MICAL3: variants seen among roughly 807,000 people sequenced by gnomAD.
MICAL3 encodes the protein microtubule associated monooxygenase, calponin and LIM domain containing 3.
In MICAL3, 62 loss-of-function variants were observed where a neutral mutation model predicts 207.4. The ratio of observed to expected loss-of-function variants is 0.30; its 90% confidence interval spans 0.24 to 0.37. The LOEUF (loss-of-function observed/expected upper bound fraction) is 0.37, where lower values mean the gene tolerates loss of function less well. Among genes scored for constraint, MICAL3 ranks in the 10% least tolerant of loss-of-function variants. The probability of loss-of-function intolerance (pLI) is 1.00; values close to 1 mark genes in which losing one functional copy is unlikely to be tolerated. For missense variants in MICAL3, 2,368 were observed against 2,635.6 expected (o/e 0.90, Z 2.22); for synonymous variants, 1,077 against 1,069.3 (o/e 1.01, Z -0.14).
At chr22:17,835,460 GC>G (rs1161101029) in intron 20 of MICAL3, among the ~76,000 whole-genome samples, 1 of 152,200 alleles carries the variant, frequency 6.6e-6, no homozygotes, top group Non-Finnish European at 1.5e-5. Flanking sequence ...CTCTGGGTTG[GC>G]CCAGGTCCTG....
At chr22:17,849,644 A>ATGTGTGTGTGTGTG (rs149239378) in intron 19 of MICAL3, among the ~76,000 whole-genome samples, 1 of 79,446 alleles carries the variant, frequency 1.3e-5, no homozygotes, top group African/African-American at 5.1e-5. Flanking sequence ...CCAGAATGGA[A>ATGTGTGTGTGTGTG]TGTGTGTGTG....
At chr22:17,896,217 G>T in intron 9 of MICAL3, 29 bp downstream of exon 9, 2 of 1,375,752 alleles carry the variant, frequency 1.5e-6, no homozygotes, top group Non-Finnish European at 2.0e-6. Context: ...GTTTTCTCAT[G>T]AAAGGAACCC....
At chr22:17,817,224 G>T in intron 26 of MICAL3, 87 bp downstream of exon 26, 3 of 1,432,194 alleles carry the variant, frequency 2.1e-6, no homozygotes, top group Non-Finnish European at 2.8e-6. Flanking sequence ...GGGAGCGTGT[G>T]AGTGTGGATC....
At chr22:17,979,366 G>A (rs553327518) in intron 1 of MICAL3, among the ~76,000 whole-genome samples, 6 of 151,996 alleles carry the variant, frequency 3.9e-5, no homozygotes, top group South Asian at 4.2e-4. Context: ...CCAACGTGGC[G>A]AAACCCCGTC....
chr22:17,936,349 C>T (rs1003953032), intron 1 of MICAL3, among the ~76,000 whole-genome samples: 2 of 152,136 alleles, frequency 1.3e-5, no homozygotes, highest in Middle Eastern at 3.2e-3. Context: ...ACTGCACGTT[C>T]TCACTCATAG....
intron 16 of MICAL3, among the ~76,000 whole-genome samples, chr22:17,878,205 C>T (rs1423233693): frequency 6.6e-6 from 1 of 152,222 alleles, no homozygotes; most frequent in Non-Finnish European, 1.5e-5. Flanking sequence ...ATCAGCATCT[C>T]ATTAAATACA....
rs569212940 is a variant in MICAL3 at position 17,908,213 on chromosome 22, C to T, written c.-74-1327G>A. ...CCCACACAGCCAGACCCCAGCTGCA[C>T]GACCCCGCTGCACAACTCTGGGTAA... On this transcript the variant is annotated intron_variant, in intron 1 of 31. Coordinates refer to ENST00000441493, the MANE Select transcript of MICAL3 (RefSeq NM_015241.3). 8.5e-5 allele frequency among the ~76,000 whole-genome samples: 13 copies of T among 152,348 alleles called. No individual in the cohort carries two copies. The South Asian group carries it at 1.2e-3, about 15-fold the overall frequency.
intron 1 of MICAL3, among the ~76,000 whole-genome samples, chr22:18,013,835 A>C (rs530370414): frequency 2.0e-5 from 3 of 152,120 alleles, no homozygotes; most frequent in South Asian, 4.2e-4. Flanking sequence ...AGGTCTTGCT[A>C]TGTTGCCCAG....
intron 28 of MICAL3, 21 bp from the exon 29 acceptor site, chr22:17,808,958 T>C (rs1307606593): frequency 1.3e-6 from 2 of 1,540,442 alleles, no homozygotes; most frequent in South Asian, 2.4e-5. Flanking sequence ...CAGCACAGAC[T>C]GAGCACCCGG....
intron 1 of MICAL3, among the ~76,000 whole-genome samples, chr22:17,987,739 C>T (rs1333659642): frequency 6.6e-6 from 1 of 152,208 alleles, no homozygotes; most frequent in East Asian, 1.9e-4. Flanking sequence ...CCTTATTCTT[C>T]ATAAACCCAC....
intron 24 of MICAL3, 148 bp from the exon 25 acceptor site, chr22:17,821,657 T>C: frequency 1.4e-6 from 1 of 703,234 alleles, no homozygotes; most frequent in Non-Finnish European, 2.4e-6. Context: ...GCACAGGTTC[T>C]CTCAGAGGCC....
intron 29 of MICAL3, among the ~76,000 whole-genome samples, chr22:17,797,697 T>G (rs943953819): frequency 6.6e-6 from 1 of 152,204 alleles, no homozygotes; most frequent in Non-Finnish European, 1.5e-5. Flanking sequence ...AACAGCAATA[T>G]CATACATGAA....
chr22:17,817,282 C>T (rs1032124743), intron 26 of MICAL3, 29 bp downstream of exon 26: 1 of 1,556,112 alleles, frequency 6.4e-7, no homozygotes, highest in South Asian at 1.2e-5. Flanking sequence ...TCCCGCTCTG[C>T]CTGCACGCGG....
At chr22:17,883,241 G>A (rs1929591763) in intron 16 of MICAL3, among the ~76,000 whole-genome samples, 1 of 152,192 alleles carries the variant, frequency 6.6e-6, no homozygotes, top group African/African-American at 2.4e-5. Context: ...CTCATGCACA[G>A]AGAAAGAATG....
At chr22:17,925,425 C>T (rs1420365718) in intron 1 of MICAL3, among the ~76,000 whole-genome samples, 1 of 152,210 alleles carries the variant, frequency 6.6e-6, no homozygotes, top group Admixed American at 6.5e-5. Context: ...AATCTGCCAA[C>T]TTGTGCAACC....
chr22:17,887,026 AAAAAG>A, intron 15 of MICAL3, 139 bp downstream of exon 15: 1 of 475,162 alleles, frequency 2.1e-6, no homozygotes, highest in Non-Finnish European at 3.6e-6. Flanking sequence ...AGAAAATAAA[AAAAAG>A]AAAAGAAAAA....
intron 27 of MICAL3, 30 bp from the exon 28 acceptor site, chr22:17,810,843 C>A: frequency 3.8e-6 from 6 of 1,577,696 alleles, no homozygotes; most frequent in Non-Finnish European, 5.2e-6. Context: ...CTTCCTCAGT[C>A]AGGTGCACGG....
chr22:17,901,104 A>C (rs1199883598), intron 5 of MICAL3, 107 bp from the exon 6 acceptor site: 1 of 1,073,636 alleles, frequency 9.3e-7, no homozygotes, highest in East Asian at 2.4e-5. Context: ...GTCAGGGATG[A>C]GAACTGATGG....
At chr22:17,865,108 T>TATTTA in intron 18 of MICAL3, 122 bp from the exon 19 acceptor site, 1 of 708,226 alleles carries the variant, frequency 1.4e-6, no homozygotes, top group Non-Finnish European at 1.8e-6. Context: ...TTTATTTATT[T>TATTTA]ATTTATTTAT....
Sources: allele counts gnomAD v4.1 joint callset (sites outside exome capture counted in the v4.1 genomes callset), GRCh38; gene constraint gnomAD v4.1.1; transcripts MANE v1.5; gene names NCBI Gene and HGNC (gene_info 2026-07-23, HGNC 2026-07-21).